BIVM: variants seen among roughly 807,000 people sequenced by gnomAD.
BIVM encodes basic, immunoglobulin-like variable motif containing, also known as basic immunoglobulin-like variable motif-containing protein.
A neutral mutation model predicts 61.4 loss-of-function variants in BIVM; 31 were observed. The observed-to-expected ratio is 0.51, with a 90% CI of 0.38 to 0.68. BIVM has a LOEUF of 0.68. Ranked by LOEUF, BIVM falls within the 30% of genes least tolerant of loss-of-function variation. The pLI is 0.00. For missense variants in BIVM, 526 were observed against 596.0 expected (o/e 0.88, Z 1.22); for synonymous variants, 189 against 210.7 (o/e 0.90, Z 0.89).
intron 1 of BIVM, among the ~76,000 whole-genome samples, chr13:102,800,910 C>G (rs893719694): frequency 6.6e-6 from 1 of 152,224 alleles, no homozygotes; most frequent in East Asian, 1.9e-4. Context: ...GGATATCGAT[C>G]AGGGTATTTT....
At position 102,841,124 on chromosome 13, in the gene BIVM, C is replaced by T. The variant is rs1881770940; in HGVS notation, c.*1259C>T. On this transcript the variant is annotated 3_prime_UTR_variant, in exon 11 of 11. Transcript: ENST00000257336. Reference sequence around the variant, plus strand: ...GTGTGAATTTCATGTATTTGAGCTCCTCTAGTTGCTGTTGGTTTTTCTTCT... The same window carrying T: ...GTGTGAATTTCATGTATTTGAGCTCTTCTAGTTGCTGTTGGTTTTTCTTCT... The T allele has an allele frequency of 6.6e-6, 1 of 152,494 alleles. No individual in the cohort carries two copies. Among genetic ancestry groups the T allele is most frequent in the Non-Finnish European group, 1.5e-5 (1 of 68,024 alleles). 9.4% of individuals were successfully genotyped at this position (152,494 alleles called of 1,614,324 possible).
At chr13:102,818,364 A>AT (rs555326330) in intron 4 of BIVM, among the ~76,000 whole-genome samples, 19 of 152,164 alleles carry the variant, frequency 1.2e-4, no homozygotes, top group South Asian at 6.2e-4. Context: ...CAATATTTAG[A>AT]TTTTTTTTCT....
At chr13:102,827,275 C>CTTT (rs34135564) in intron 7 of BIVM, among the ~76,000 whole-genome samples, 3 of 139,358 alleles carry the variant, frequency 2.2e-5, no homozygotes, top group East Asian at 4.1e-4. Context: ...GTCCCAATGA[C>CTTT]TTTTTTTTTT....
intron 2 of BIVM, among the ~76,000 whole-genome samples, chr13:102,806,338 C>T (rs1879079613): frequency 6.6e-6 from 1 of 152,118 alleles, no homozygotes; most frequent in Non-Finnish European, 1.5e-5. Flanking sequence ...CAACCTCTAC[C>T]TCCCAGGTTC....
chr13:102,820,828 T>C, intron 4 of BIVM: 1 of 497,940 alleles, frequency 2.0e-6, no homozygotes, highest in South Asian at 2.5e-5. Context: ...TGGCAGTTAG[T>C]CATACTTAGC....
chr13:102,825,118 ATTT>A (rs1163553279), intron 7 of BIVM, among the ~76,000 whole-genome samples: 1 of 151,074 alleles, frequency 6.6e-6, no homozygotes, highest in East Asian at 1.9e-4. Context: ...AATTTTTTGT[ATTT>A]TTTTTAGTAG....
At chr13:102,803,771 C>G (rs1878894458) in intron 1 of BIVM, among the ~76,000 whole-genome samples, 1 of 152,058 alleles carries the variant, frequency 6.6e-6, no homozygotes, top group African/African-American at 2.4e-5. Flanking sequence ...ATACCTACCT[C>G]TCTGTCCACC....
chr13:102,839,482 A>C, intron 10 of BIVM, 90 bp from the exon 11 acceptor site: 1 of 1,516,222 alleles, frequency 6.6e-7, no homozygotes, highest in Non-Finnish European at 8.9e-7. Context: ...CGGTGAAGTA[A>C]AAAAAGAAAG....
intron 4 of BIVM, among the ~76,000 whole-genome samples, chr13:102,819,548 G>A (rs551493585): frequency 3.3e-5 from 5 of 152,190 alleles, no homozygotes; most frequent in South Asian, 2.1e-4. Flanking sequence ...AGTGAGAGCC[G>A]AACAATGTGA....
rs1881770615 is a variant in BIVM, at chr13:102,841,110, AT to A, written c.*1246del. 1 of 152,624 alleles carries A rather than the reference AT, an allele frequency of 6.6e-6. No homozygotes were observed. The highest frequency in any genetic ancestry group is 1.5e-5 in the Non-Finnish European group (1 of 68,040). 9.5% of individuals were successfully genotyped at this position (152,624 alleles called of 1,614,324 possible). ...TAAATATTTCAGAAGTGTGAATTTC[AT>A]GTATTTGAGCTCCTCTAGTTGCTGT... On this transcript the variant is annotated 3_prime_UTR_variant, in exon 11 of 11. Transcript: ENST00000257336.
chr13:102,831,836 T>A, intron 8 of BIVM, 139 bp downstream of exon 8: 4 of 708,484 alleles, frequency 5.6e-6, no homozygotes, highest in Non-Finnish European at 8.1e-6. Flanking sequence ...GAGACCATCC[T>A]GGCTAACACG....
At position 102,839,823 on chromosome 13, in the gene BIVM, C is replaced by T. The variant is rs764550016; in HGVS notation, c.1470C>T (p.Asn490=). ...KKMSSIHERR[N]SGYQGYSDYD... is the part of the protein sequence containing the mutation. ...TGTCTAGTATCCATGAGAGAAGGAA[C>T]AGTGGTTACCAGGGTTACAGTGATT... Residue 490 remains asparagine, a synonymous_variant, in exon 11 of 11, where the codon AAC becomes AAT. Transcript: ENST00000257336. 13 of 1,613,682 alleles carry T rather than the reference C, an allele frequency of 8.1e-6. No homozygotes were observed. Among genetic ancestry groups the T allele is most frequent in the Non-Finnish European group, 1.1e-5 (13 of 1,180,030 alleles).
chr13:102,804,420 C>T (rs1369014253), intron 1 of BIVM, among the ~76,000 whole-genome samples: 1 of 152,222 alleles, frequency 6.6e-6, no homozygotes, highest in Non-Finnish European at 1.5e-5. Flanking sequence ...AGGCCGTTCT[C>T]CTGCCTCAGC....
intron 7 of BIVM, among the ~76,000 whole-genome samples, chr13:102,830,714 A>G (rs1881005731): frequency 6.6e-6 from 1 of 152,014 alleles, no homozygotes; most frequent in Non-Finnish European, 1.5e-5. Flanking sequence ...CACAACAAGG[A>G]AAGATTAGGC....
At chr13:102,818,844 CT>C (rs1880049002) in intron 4 of BIVM, among the ~76,000 whole-genome samples, 1 of 152,208 alleles carries the variant, frequency 6.6e-6, no homozygotes, top group East Asian at 1.9e-4. Flanking sequence ...CCCTTTCCCT[CT>C]CCTTTTTAAA....
intron 7 of BIVM, among the ~76,000 whole-genome samples, 165 bp from the exon 8 acceptor site, chr13:102,831,400 A>T (rs930654942): frequency 2.0e-5 from 3 of 152,226 alleles, no homozygotes; most frequent in Admixed American, 6.5e-5. Context: ...GAATACATTT[A>T]TTAACATTTT....
intron 1 of BIVM, among the ~76,000 whole-genome samples, chr13:102,804,498 G>A (rs540136698): frequency 3.3e-5 from 5 of 152,242 alleles, no homozygotes; most frequent in African/African-American, 1.2e-4. Flanking sequence ...TTTTTTAGTA[G>A]AGACAGGGTT....
intron 7 of BIVM, among the ~76,000 whole-genome samples, chr13:102,826,375 G>A (rs1419681669): frequency 2.0e-5 from 3 of 152,074 alleles, no homozygotes; most frequent in Admixed American, 6.6e-5. Flanking sequence ...GTGTTCCTAA[G>A]GACAGGAAAT....
intron 5 of BIVM, 38 bp downstream of exon 5, chr13:102,821,170 A>C (rs1274379139): frequency 6.4e-7 from 1 of 1,555,814 alleles, no homozygotes; most frequent in Non-Finnish European, 8.7e-7. Context: ...CAAACTCCAA[A>C]GTAATTTGAT....
Sources: gnomAD v4.1 joint callset for allele counts (sites outside exome capture counted in the v4.1 genomes callset) on GRCh38, gnomAD v4.1.1 for gene constraint, MANE v1.5 for transcripts, NCBI Gene and HGNC (gene_info 2026-07-23, HGNC 2026-07-21) for gene names.